Variants in NRG1 observed in about 807,000 individuals in gnomAD.
NRG1 encodes the protein pro-neuregulin-1, membrane-bound isoform.
NRG1 carries 18 observed loss-of-function variants against 63.8 expected under a neutral mutation model. The observed-to-expected ratio is 0.28, with a 90% CI of 0.19 to 0.42. The LOEUF (loss-of-function observed/expected upper bound fraction) is 0.42. NRG1 is among the 10% of genes least tolerant of loss of function. The pLI, the probability that NRG1 is intolerant of heterozygous loss-of-function variation, is 1.00. For synonymous variants in NRG1, 302 were observed against 301.3 expected (o/e 1.00, Z -0.02); for missense variants, 762 against 814.7 (o/e 0.94, Z 0.79).
At chr8:31,868,172 A>C (rs1829154458) in intron 1 of NRG1, among the ~76,000 whole-genome samples, 1 of 151,230 alleles carries the variant, frequency 6.6e-6, no homozygotes, top group African/African-American at 2.4e-5. Context: ...ACACACACAC[A>C]CACACACACA....
intron 1 of NRG1, among the ~76,000 whole-genome samples, chr8:32,174,203 A>G (rs752388185): frequency 3.3e-5 from 5 of 152,324 alleles, no homozygotes; most frequent in Admixed American, 2.0e-4. Flanking sequence ...AAACCGCTCA[A>G]CTACAAGGAA....
At chr8:32,602,364 C>T (rs1441794122) in intron 2 of NRG1, among the ~76,000 whole-genome samples, 1 of 151,838 alleles carries the variant, frequency 6.6e-6, no homozygotes, top group Non-Finnish European at 1.5e-5. Context: ...AAGACTTATC[C>T]CTTTAAGATT....
chr8:32,320,142 A>G (rs542391666), intron 1 of NRG1, among the ~76,000 whole-genome samples: 34 of 152,310 alleles, frequency 2.2e-4, no homozygotes, highest in South Asian at 8.3e-4. Flanking sequence ...TATCTGCATC[A>G]TACATCATAC....
At chr8:32,711,044 C>A (rs533170928) in intron 5 of NRG1, among the ~76,000 whole-genome samples, 6 of 152,210 alleles carry the variant, frequency 3.9e-5, no homozygotes, top group African/African-American at 1.4e-4. Flanking sequence ...AATATGGCTT[C>A]TCTAATGGCC....
chr8:32,397,951 T>C (rs993805855), intron 1 of NRG1, among the ~76,000 whole-genome samples: 5 of 152,182 alleles, frequency 3.3e-5, no homozygotes, highest in Non-Finnish European at 5.9e-5. Context: ...AACTGCACAC[T>C]TATTGTGTTT....
At chr8:31,701,149 T>G (rs900950862) in intron 1 of NRG1, among the ~76,000 whole-genome samples, 1 of 152,162 alleles carries the variant, frequency 6.6e-6, no homozygotes, top group Non-Finnish European at 1.5e-5. Flanking sequence ...ATTCATTACA[T>G]GTAGTGAGAG....
At chr8:32,141,482 T>A (rs1280989216) in intron 1 of NRG1, among the ~76,000 whole-genome samples, 1 of 150,970 alleles carries the variant, frequency 6.6e-6, no homozygotes, top group East Asian at 1.9e-4. Flanking sequence ...CCCTTTTTGA[T>A]GTCTACAAAT....
chr8:32,729,121 A>G (rs973795901), intron 6 of NRG1, among the ~76,000 whole-genome samples: 1 of 152,088 alleles, frequency 6.6e-6, no homozygotes, highest in African/African-American at 2.4e-5. Context: ...TTCTCTCTCA[A>G]CAGGCAGCGT....
At chr8:31,819,961 C>T (rs980304454) in intron 1 of NRG1, among the ~76,000 whole-genome samples, 8 of 152,120 alleles carry the variant, frequency 5.3e-5, no homozygotes, top group African/African-American at 1.7e-4. Context: ...CTTTACATTC[C>T]TCTAATTCAG....
intron 1 of NRG1, among the ~76,000 whole-genome samples, chr8:32,480,012 C>G (rs1221160106): frequency 6.6e-6 from 1 of 152,026 alleles, no homozygotes; most frequent in East Asian, 1.9e-4. Flanking sequence ...ACTTAAAGAC[C>G]CATACAGATC....
intron 1 of NRG1, among the ~76,000 whole-genome samples, chr8:32,254,810 C>T (rs952821987): frequency 1.3e-5 from 2 of 152,310 alleles, no homozygotes. Flanking sequence ...GAGTCTAAGT[C>T]TCTTTGTAGG....
intron 1 of NRG1, among the ~76,000 whole-genome samples, chr8:32,358,368 G>GAA (rs34976612): frequency 2.4e-4 from 24 of 98,996 alleles, no homozygotes; most frequent in Admixed American, 1.6e-3. Flanking sequence ...TGCCATTTAT[G>GAA]AAAAAAAAAA....
At chr8:32,100,068 T>C (rs894307516) in intron 1 of NRG1, among the ~76,000 whole-genome samples, 1 of 152,054 alleles carries the variant, frequency 6.6e-6, no homozygotes, top group African/African-American at 2.4e-5. Context: ...TCTACCCTTC[T>C]TCCAGCTCTT....
chr8:31,873,498 G>A (rs1829664593), intron 1 of NRG1, among the ~76,000 whole-genome samples: 1 of 152,186 alleles, frequency 6.6e-6, no homozygotes, highest in Non-Finnish European at 1.5e-5. Flanking sequence ...GGCGGAGATT[G>A]CAGTGAGCTG....
At chr8:32,074,630 T>A (rs1053784600) in intron 1 of NRG1, among the ~76,000 whole-genome samples, 7 of 152,184 alleles carry the variant, frequency 4.6e-5, no homozygotes, top group Non-Finnish European at 1.0e-4. Flanking sequence ...TCTAGTTGAT[T>A]TAGTAGCTAT....
At chr8:32,081,737 G>C (rs929295899) in intron 1 of NRG1, among the ~76,000 whole-genome samples, 2 of 151,950 alleles carry the variant, frequency 1.3e-5, no homozygotes, top group Non-Finnish European at 2.9e-5. Context: ...GTGTAACCAG[G>C]CCATATCCCT....
chr8:31,674,279 C>A (rs1807452283), intron 1 of NRG1, among the ~76,000 whole-genome samples: 1 of 152,048 alleles, frequency 6.6e-6, no homozygotes, highest in Admixed American at 6.6e-5. Context: ...GTAGTTTTAC[C>A]TAGGAGTAGA....
intron 1 of NRG1, among the ~76,000 whole-genome samples, chr8:32,153,074 C>T (rs894179289): frequency 7.9e-5 from 9 of 113,278 alleles, no homozygotes; most frequent in African/African-American, 2.5e-4. Flanking sequence ...AGGGGCTTCC[C>T]CCAATTCTAA....
intron 1 of NRG1, among the ~76,000 whole-genome samples, chr8:32,218,457 T>A (rs1454378717): frequency 6.6e-6 from 1 of 152,246 alleles, no homozygotes; most frequent in East Asian, 1.9e-4. Flanking sequence ...CATTCATGAC[T>A]CATTCTTTGC....
Sources: gnomAD v4.1 joint callset for allele counts (sites outside exome capture counted in the v4.1 genomes callset) on GRCh38, gnomAD v4.1.1 for gene constraint, MANE v1.5 for transcripts, NCBI Gene and HGNC (gene_info 2026-07-23, HGNC 2026-07-21) for gene names.